TMTC1: variants seen among roughly 807,000 people sequenced by gnomAD.
The protein encoded by TMTC1 is protein O-mannosyl-transferase TMTC1.
TMTC1 carries 73 observed loss-of-function variants against 104.8 expected under a neutral mutation model. That is an observed-to-expected ratio of 0.70 (90% CI 0.58 to 0.85). The LOEUF (loss-of-function observed/expected upper bound fraction) is 0.85. TMTC1 is among the 40% of genes least tolerant of loss of function. The pLI is 0.00. For missense variants in TMTC1, 1,035 were observed against 1,096.1 expected (o/e 0.94, Z 0.79); for synonymous variants, 434 against 428.7 (o/e 1.01, Z -0.15).
intron 10 of TMTC1, among the ~76,000 whole-genome samples, chr12:29,545,041 T>G (rs1191638876): frequency 1.3e-5 from 2 of 152,140 alleles, no homozygotes; most frequent in East Asian, 3.9e-4. Flanking sequence ...CTTAGCCGAG[T>G]GTCTGGCACA....
At chr12:29,644,884 C>T (rs1413067647) in intron 5 of TMTC1, among the ~76,000 whole-genome samples, 1 of 152,172 alleles carries the variant, frequency 6.6e-6, no homozygotes, top group African/African-American at 2.4e-5. Context: ...AACTCCAACT[C>T]CTCTGGATCC....
intron 6 of TMTC1, among the ~76,000 whole-genome samples, chr12:29,630,601 A>G: frequency 6.6e-6 from 1 of 152,100 alleles, no homozygotes; most frequent in Non-Finnish European, 1.5e-5. Flanking sequence ...GTCTGTCCAC[A>G]TTGTTTTATG....
At chr12:29,678,834 A>G (rs932657452) in intron 5 of TMTC1, among the ~76,000 whole-genome samples, 8 of 152,224 alleles carry the variant, frequency 5.3e-5, no homozygotes, top group Non-Finnish European at 1.0e-4. Context: ...CAATGTGAAT[A>G]TGGCTACCAT....
intron 5 of TMTC1, among the ~76,000 whole-genome samples, chr12:29,654,631 C>T (rs1234812906): frequency 6.6e-6 from 1 of 151,384 alleles, no homozygotes; most frequent in African/African-American, 2.4e-5. Flanking sequence ...TGAAAACATA[C>T]ATCTACACAA....
At chr12:29,683,223 C>T (rs1940979942) in intron 5 of TMTC1, among the ~76,000 whole-genome samples, 1 of 152,122 alleles carries the variant, frequency 6.6e-6, no homozygotes, top group Non-Finnish European at 1.5e-5. Context: ...TGGCTTCATT[C>T]CTTTAATGTA....
At chr12:29,753,074 C>T (rs1943130270) in intron 4 of TMTC1, among the ~76,000 whole-genome samples, 1 of 152,138 alleles carries the variant, frequency 6.6e-6, no homozygotes, top group Non-Finnish European at 1.5e-5. Flanking sequence ...GAATAAACTG[C>T]ACTTGTAGGA....
At chr12:29,777,128 C>T (rs1592044264) in intron 1 of TMTC1, among the ~76,000 whole-genome samples, 2 of 152,146 alleles carry the variant, frequency 1.3e-5, no homozygotes, top group African/African-American at 4.8e-5. Context: ...CAGAGTCTCG[C>T]TCTGTTGCCA....
At chr12:29,568,834 GTCTCTGGAC>G in intron 9 of TMTC1, 1 of 442,652 alleles carries the variant, frequency 2.3e-6, no homozygotes, top group Non-Finnish European at 4.6e-6. Context: ...TTGTTGGGTG[GTCTCTGGAC>G]TTTCTACTCC....
At chr12:29,522,138 A>G (rs1380669195) in intron 11 of TMTC1, among the ~76,000 whole-genome samples, 2 of 152,194 alleles carry the variant, frequency 1.3e-5, no homozygotes, top group Non-Finnish European at 2.9e-5. Context: ...CCTACCAAGC[A>G]TTCAACCAGA....
At chr12:29,579,851 C>G (rs10843446) in intron 8 of TMTC1, among the ~76,000 whole-genome samples, 28,657 of 152,102 alleles carry the variant, frequency 0.19, 3,164 homozygotes, top group East Asian at 0.38. Flanking sequence ...TATACTTGAG[C>G]TAGCTTAGGT....
chr12:29,556,157 C>T (rs299479), intron 10 of TMTC1, among the ~76,000 whole-genome samples: 82,524 of 151,874 alleles, frequency 0.54, 25,173 homozygotes, highest in Non-Finnish European at 0.67. Context: ...AATAAACACA[C>T]AAGATGCAAA....
chr12:29,576,618 T>C (rs762614951), intron 8 of TMTC1, among the ~76,000 whole-genome samples: 2 of 152,066 alleles, frequency 1.3e-5, no homozygotes, highest in Non-Finnish European at 2.9e-5. Context: ...TAATGGTTAG[T>C]AGGTGTGGCA....
chr12:29,736,370 C>CA (rs1257722235), intron 5 of TMTC1, among the ~76,000 whole-genome samples: 5 of 149,208 alleles, frequency 3.4e-5, no homozygotes, highest in African/African-American at 9.9e-5. Context: ...TTATTCAGAA[C>CA]AAAAAAAGGA....
intron 10 of TMTC1, among the ~76,000 whole-genome samples, chr12:29,552,231 G>A (rs1263200127): frequency 2.0e-5 from 3 of 151,786 alleles, no homozygotes; most frequent in African/African-American, 7.3e-5. Context: ...CCTGAGATGT[G>A]CTGTAAGTGT....
At chr12:29,756,000 C>A in intron 3 of TMTC1, 115 bp from the exon 4 acceptor site, 1 of 1,113,338 alleles carries the variant, frequency 9.0e-7, no homozygotes. Flanking sequence ...AGTAATTAAG[C>A]AGGTAAGTAG....
At chr12:29,520,446 C>G (rs1483836102) in intron 12 of TMTC1, among the ~76,000 whole-genome samples, 172 bp downstream of exon 12, 1 of 152,122 alleles carries the variant, frequency 6.6e-6, no homozygotes, top group African/African-American at 2.4e-5. Context: ...TTTACTGAAT[C>G]GAGCTTGAAG....
intron 5 of TMTC1, among the ~76,000 whole-genome samples, chr12:29,741,836 G>A (rs1214786210): frequency 2.0e-5 from 3 of 152,058 alleles, no homozygotes; most frequent in South Asian, 2.1e-4. Context: ...ACCCAATTTC[G>A]ACTTATCTGA....
chr12:29,632,742 G>A (rs1938359128), intron 6 of TMTC1, among the ~76,000 whole-genome samples: 1 of 152,112 alleles, frequency 6.6e-6, no homozygotes, highest in South Asian at 2.1e-4. Context: ...ATTTTGTACA[G>A]TTTTATACTT....
intron 5 of TMTC1, among the ~76,000 whole-genome samples, chr12:29,661,052 G>A (rs1012163530): frequency 1.3e-5 from 2 of 152,098 alleles, no homozygotes; most frequent in Admixed American, 1.3e-4. Flanking sequence ...TTCTGCTGCT[G>A]CTGAGAGCCC....
Sources: allele counts gnomAD v4.1 joint callset (sites outside exome capture counted in the v4.1 genomes callset), GRCh38; gene constraint gnomAD v4.1.1; transcripts MANE v1.5; gene names NCBI Gene and HGNC (gene_info 2026-07-23, HGNC 2026-07-21).